The following HUNK variants were observed in gnomAD, a reference collection of about 807,000 sequenced individuals.
HUNK encodes hormonally up-regulated neu tumor-associated kinase.
A neutral mutation model predicts 61.0 loss-of-function variants in HUNK; 21 were observed. The ratio of observed to expected loss-of-function variants is 0.34; its 90% CI spans 0.24 to 0.50. The LOEUF is 0.50. HUNK is among the 20% of genes least tolerant of loss of function. The pLI is 0.98. For missense variants in HUNK, 772 were observed against 945.7 expected (o/e 0.82, Z 2.41); for synonymous variants, 371 against 386.1 (o/e 0.96, Z 0.46).
chr21:31,990,517 C>CTTTATTTATTTA lies in HUNK; in HGVS notation c.1305+372_1305+383dup, dbSNP rs3056170. Among the ~76,000 whole-genome samples, 680 of 142,932 alleles carry CTTTATTTATTTA rather than the reference C, an allele frequency of 4.8e-3. 6 individuals carry two copies. Among genetic ancestry groups the CTTTATTTATTTA allele is most frequent in the African/African-American group, 0.01 (394 of 38,120 alleles). The allele number at this position is 142,932 out of a possible 152,430, so 93.8% of individuals were successfully genotyped here. On this transcript the variant is annotated intron_variant, in intron 9 of 10. Transcript: ENST00000270112. The stretch of plus-strand genomic sequence containing the variant: ...AGTCTACTAATTTAAATGTTAATCA[C>CTTTATTTATTTA]TTTATTTATTTATTTATTTATTTAT...
At position 31,931,518 on chromosome 21, in the gene HUNK, C is replaced by T. The variant is rs1451767257; in HGVS notation, c.554+6758C>T. On this transcript the variant is annotated intron_variant, in intron 2 of 10. Transcript: ENST00000270112. ...AACCCTTCTCATGATGGTCGGGTTC[C>T]AGGGGAGAATCAGAAGCTCCGAGAG... 2.0e-5 allele frequency among the ~76,000 whole-genome samples: 3 copies of T among 152,076 alleles called. No homozygotes were observed. The East Asian group carries it at 5.8e-4, about 29-fold the overall frequency.
At chr21:31,946,716 G>A (rs917189608) in intron 4 of HUNK, among the ~76,000 whole-genome samples, 2 of 152,124 alleles carry the variant, frequency 1.3e-5, no homozygotes, top group African/African-American at 4.8e-5. Context: ...CCAGGTTCAA[G>A]TGATTACCCT....
intron 2 of HUNK, among the ~76,000 whole-genome samples, chr21:31,933,225 C>T (rs2052710338): frequency 6.6e-6 from 1 of 152,058 alleles, no homozygotes; most frequent in African/African-American, 2.4e-5. Flanking sequence ...CCTGCACTAC[C>T]TTCTGTGCCT....
intron 10 of HUNK, among the ~76,000 whole-genome samples, chr21:31,997,471 A>C (rs1568945230): frequency 6.6e-6 from 1 of 152,230 alleles, no homozygotes; most frequent in Non-Finnish European, 1.5e-5. Flanking sequence ...ATGCTAAGTG[A>C]ATTACGCCAG....
intron 1 of HUNK, among the ~76,000 whole-genome samples, chr21:31,891,157 A>C (rs1252943100): frequency 6.6e-6 from 1 of 152,170 alleles, no homozygotes; most frequent in African/African-American, 2.4e-5. Context: ...TGGGTGGATC[A>C]CTTGAGGTCA....
intron 5 of HUNK, among the ~76,000 whole-genome samples, chr21:31,967,994 T>A (rs1173778881): frequency 6.6e-6 from 1 of 152,132 alleles, no homozygotes; most frequent in Non-Finnish European, 1.5e-5. Context: ...TCTTTGGCTA[T>A]GTGGTGTGTA....
In HUNK at chr21:31,999,574, G is replaced by A. The variant is rs2123264662; in HGVS notation, c.*390G>A. 5.2e-6 allele frequency: 1 copy of A among 192,636 alleles called. No individual in the cohort carries two copies. The highest frequency in any genetic ancestry group is 2.3e-5 in the African/African-American group (1 of 43,044). 11.9% of individuals were successfully genotyped at this position (192,636 alleles called of 1,614,324 possible). On this transcript the variant is annotated 3_prime_UTR_variant, in exon 11 of 11. Transcript: ENST00000270112. ...ACATGTGTGCCTCTCACAGCAGTTG[G>A]CCACAGTTACAGGGAGAGAACAATA... is the stretch of plus-strand genomic sequence containing the variant.
rs973103512 is a variant in HUNK at position 31,999,896 on chromosome 21, C to T, written c.*712C>T. On this transcript the variant is annotated 3_prime_UTR_variant, in exon 11 of 11. Coordinates refer to ENST00000270112, the MANE Select transcript of HUNK (RefSeq NM_014586.2). ...CAAAGATTTTTTTTAAATGTGATGT[C>T]GGTAAATTGAAATAACATAATTTTT... 25 of 340,662 alleles carry T rather than the reference C, an allele frequency of 7.3e-5. No individual in the cohort carries two copies. Among genetic ancestry groups the T allele is most frequent in the African/African-American group, 3.4e-4 (16 of 47,554 alleles). The allele number at this position is 340,662 out of a possible 1,614,324, so 21.1% of individuals were successfully genotyped here.
intron 6 of HUNK, among the ~76,000 whole-genome samples, chr21:31,971,621 T>G (rs1568938363): frequency 6.6e-6 from 1 of 152,202 alleles, no homozygotes; most frequent in Non-Finnish European, 1.5e-5. Context: ...ATATTTTTCT[T>G]TTGAGAAAGT....
chr21:31,977,767 CT>C (rs1352224939), intron 7 of HUNK, among the ~76,000 whole-genome samples: 2 of 152,252 alleles, frequency 1.3e-5, no homozygotes, highest in African/African-American at 4.8e-5. Context: ...TCATGGATCA[CT>C]GGAGCCTCGA....
intron 4 of HUNK, among the ~76,000 whole-genome samples, 172 bp from the exon 5 acceptor site, chr21:31,958,671 C>A (rs2052906271): frequency 6.6e-6 from 1 of 152,144 alleles, no homozygotes; most frequent in African/African-American, 2.4e-5. Flanking sequence ...TGTCCGACCT[C>A]ACCCAACTCT....
chr21:31,943,396 G>A (rs575043466), intron 3 of HUNK, among the ~76,000 whole-genome samples: 10 of 152,136 alleles, frequency 6.6e-5, no homozygotes, highest in African/African-American at 1.4e-4. Context: ...AAATTGAGTC[G>A]TCGTTGGTTG....
At chr21:31,926,211 C>T (rs2052658820) in intron 2 of HUNK, among the ~76,000 whole-genome samples, 2 of 152,188 alleles carry the variant, frequency 1.3e-5, no homozygotes. Flanking sequence ...AGCCACCACG[C>T]CCGGCATAGA....
At chr21:31,914,769 CCTT>C (rs2052570620) in intron 1 of HUNK, among the ~76,000 whole-genome samples, 2 of 152,256 alleles carry the variant, frequency 1.3e-5, no homozygotes, top group Admixed American at 6.5e-5. Context: ...TGTCTCTTCT[CCTT>C]CTTATAAGGA....
At chr21:31,925,125 G>A (rs1047367381) in intron 2 of HUNK, among the ~76,000 whole-genome samples, 2 of 152,066 alleles carry the variant, frequency 1.3e-5, no homozygotes, top group Non-Finnish European at 2.9e-5. Flanking sequence ...GAATTTTTCT[G>A]TATTTTTATT....
intron 1 of HUNK, among the ~76,000 whole-genome samples, chr21:31,880,086 G>T (rs2052294842): frequency 6.6e-6 from 1 of 152,174 alleles, no homozygotes; most frequent in South Asian, 2.1e-4. Context: ...CTGTGAATTC[G>T]AGACAGCTGT....
At chr21:31,888,698 C>T (rs2052365850) in intron 1 of HUNK, among the ~76,000 whole-genome samples, 1 of 151,928 alleles carries the variant, frequency 6.6e-6, no homozygotes, top group South Asian at 2.1e-4. Context: ...CAAGATTGTG[C>T]CATTGTACTC....
intron 5 of HUNK, among the ~76,000 whole-genome samples, chr21:31,967,867 A>T (rs1228862530): frequency 6.6e-6 from 1 of 152,166 alleles, no homozygotes; most frequent in Non-Finnish European, 1.5e-5. Flanking sequence ...TCTTTGGCTC[A>T]CCTATGAGCA....
chr21:31,994,108 A>G (rs1373758751), intron 9 of HUNK, among the ~76,000 whole-genome samples: 1 of 152,248 alleles, frequency 6.6e-6, no homozygotes, highest in Non-Finnish European at 1.5e-5. Flanking sequence ...GTGGTGGGTC[A>G]TGCCCTCAGT....
Sources: gnomAD v4.1 joint callset for allele counts (sites outside exome capture counted in the v4.1 genomes callset) on GRCh38, gnomAD v4.1.1 for gene constraint, MANE v1.5 for transcripts, NCBI Gene and HGNC (gene_info 2026-07-23, HGNC 2026-07-21) for gene names.